The following PHF14 variants were observed in gnomAD, a reference collection of about 807,000 sequenced individuals.
PHF14 encodes PHD finger protein 14.
Under a neutral mutation model 117.9 loss-of-function variants are expected in PHF14, and 55 were observed. The ratio of observed to expected loss-of-function variants is 0.47; its 90% CI spans 0.38 to 0.58. The LOEUF (loss-of-function observed/expected upper bound fraction) is 0.58. Among genes scored for constraint, PHF14 ranks in the 20% least tolerant of loss-of-function variants. The pLI is 0.00. For missense variants in PHF14, 978 were observed against 1,122.2 expected (o/e 0.87, Z 1.84); for synonymous variants, 409 against 368.6 (o/e 1.11, Z -1.26).
chr7:10,988,914 T>C (rs758455600), intron 3 of PHF14, among the ~76,000 whole-genome samples: 1 of 152,116 alleles, frequency 6.6e-6, no homozygotes, highest in Non-Finnish European at 1.5e-5. Context: ...GAAAGAAACT[T>C]AGGAATGTTT....
At chr7:11,155,003 A>T (rs1460797243) in intron 17 of PHF14, among the ~76,000 whole-genome samples, 1 of 152,152 alleles carries the variant, frequency 6.6e-6, no homozygotes, top group Non-Finnish European at 1.5e-5. Context: ...GAGGATCCTT[A>T]CTATCTATCT....
In PHF14 at chr7:11,051,847, A is replaced by G; in HGVS notation, c.2481+67A>G. On this transcript the variant is annotated intron_variant, in intron 14 of 17. Coordinates refer to ENST00000634607, the MANE Select transcript of PHF14 (RefSeq NM_001007157.2). ...AGGCCAAAATTTAAGAGAGTGAGAA[A>G]GACACAGGGCAAACATATACTCAGA... is the stretch of plus-strand genomic sequence containing the variant. 6 of 1,327,704 alleles carry G rather than the reference A, an allele frequency of 4.5e-6. No homozygotes were observed. In the South Asian group the frequency reaches 7.9e-5, roughly 17 times the overall value. 82.2% of individuals were successfully genotyped at this position (1,327,704 alleles called of 1,614,324 possible).
intron 16 of PHF14, among the ~76,000 whole-genome samples, chr7:11,075,588 T>TAA (rs1562453136): frequency 4.8e-5 from 5 of 103,818 alleles, no homozygotes; most frequent in East Asian, 3.3e-4. Flanking sequence ...TTTTTTTTTT[T>TAA]TTATTATTAT....
chr7:11,067,621 CATTTTATGTTGCTAAGA>C (rs1354585650), intron 16 of PHF14, among the ~76,000 whole-genome samples: 1 of 152,120 alleles, frequency 6.6e-6, no homozygotes, highest in Non-Finnish European at 1.5e-5. Flanking sequence ...TCTCTTAGTC[CATTTTATGTTGCTAAGA>C]AGAAATACCT....
intron 16 of PHF14, among the ~76,000 whole-genome samples, chr7:11,073,576 G>A (rs555017397): frequency 6.6e-6 from 1 of 152,284 alleles, no homozygotes; most frequent in South Asian, 2.1e-4. Context: ...CAGGCTCAGG[G>A]TGCAAGCTGC....
chr7:11,064,149 T>TA (rs538812615), intron 16 of PHF14, among the ~76,000 whole-genome samples: 3 of 151,640 alleles, frequency 2.0e-5, no homozygotes, highest in African/African-American at 7.3e-5. Flanking sequence ...ATGTGATCTT[T>TA]AAAAAAAATA....
chr7:10,994,528 G>A (rs1029402032), intron 4 of PHF14, among the ~76,000 whole-genome samples: 22 of 152,192 alleles, frequency 1.4e-4, no homozygotes, highest in Non-Finnish European at 1.8e-4. Flanking sequence ...TGAGCAAGCT[G>A]GTTAGTGGTG....
chr7:10,974,802 A>G (rs1347978097), intron 1 of PHF14, 33 bp from the exon 2 acceptor site: 1 of 1,063,888 alleles, frequency 9.4e-7, no homozygotes, highest in South Asian at 1.4e-5. Flanking sequence ...TGGTGTGATT[A>G]TGAATGACAA....
chr7:11,137,928 C>T (rs1439752704), intron 17 of PHF14, among the ~76,000 whole-genome samples: 6 of 151,756 alleles, frequency 4.0e-5, no homozygotes, highest in Non-Finnish European at 7.4e-5. Context: ...AAAAAGGTAA[C>T]CTTTATACCT....
At position 11,038,753 on chromosome 7, in the gene PHF14, T is replaced by G; in HGVS notation, c.1981-7T>G. 1 of 1,444,734 alleles carries G rather than the reference T, an allele frequency of 6.9e-7. No individual in the cohort carries two copies. Among genetic ancestry groups the G allele is most frequent in the Non-Finnish European group, 9.6e-7 (1 of 1,043,642 alleles). 89.5% of individuals were successfully genotyped at this position (1,444,734 alleles called of 1,614,324 possible). On this transcript the variant is annotated splice_region_variant and splice_polypyrimidine_tract_variant and intron_variant, in intron 10 of 17. Transcript: ENST00000634607. ...AATGAAGTTTACTAATTTGGCTTAC[T>G]TTGTAGCTATGTGAATCTTTAGAAG...
chr7:11,038,930 C>A (rs764354909), intron 11 of PHF14, 75 bp downstream of exon 11: 2 of 616,588 alleles, frequency 3.2e-6, no homozygotes. Flanking sequence ...ATTTTTGATA[C>A]AACTGTCATT....
chr7:11,074,757 G>C (rs1192520847), intron 16 of PHF14, among the ~76,000 whole-genome samples: 1 of 151,960 alleles, frequency 6.6e-6, no homozygotes, highest in Non-Finnish European at 1.5e-5. Context: ...ATTTCCATCT[G>C]AGGCCTCATC....
intron 16 of PHF14, among the ~76,000 whole-genome samples, chr7:11,070,540 T>C (rs983724073): frequency 6.6e-6 from 1 of 152,226 alleles, no homozygotes; most frequent in African/African-American, 2.4e-5. Context: ...TATTTGGGCA[T>C]ATTTTCTTCT....
intron 16 of PHF14, among the ~76,000 whole-genome samples, chr7:11,082,200 G>C (rs569041620): frequency 6.6e-6 from 1 of 152,092 alleles, no homozygotes; most frequent in Admixed American, 6.5e-5. Flanking sequence ...TAAAAAATCA[G>C]CTGGGCATAG....
intron 16 of PHF14, among the ~76,000 whole-genome samples, chr7:11,075,564 G>GTTTTT (rs3073111): frequency 3.6e-4 from 40 of 110,010 alleles, no homozygotes; most frequent in Non-Finnish European, 4.8e-4. Context: ...AAGGAAAGAG[G>GTTTTT]TTTTTTTTTT....
At chr7:11,083,961 C>G (rs946780476) in intron 16 of PHF14, among the ~76,000 whole-genome samples, 1 of 152,138 alleles carries the variant, frequency 6.6e-6, no homozygotes, top group Non-Finnish European at 1.5e-5. Flanking sequence ...TAGGTAGATT[C>G]AAGCAAAGTT....
chr7:11,061,922 TTTTG>T (rs1428338097), intron 15 of PHF14, 38 bp from the exon 16 acceptor site: 2 of 1,542,370 alleles, frequency 1.3e-6, no homozygotes, highest in African/African-American at 1.4e-5. Context: ...CATATCCTTA[TTTTG>T]TTTGTTATGT....
At chr7:11,014,941 G>A (rs1783482895) in intron 5 of PHF14, 1 of 150,508 alleles carries the variant, frequency 6.6e-6, no homozygotes, top group Admixed American at 6.6e-5. Context: ...CTAAAATTAA[G>A]AGTAATTTTC....
Position 11,068,411 on chromosome 7 carries a change from T to C in PHF14, c.2654+6326T>C, listed in dbSNP as rs189466160. ...ACATAGATGAACCTTGAGAACGTTA[T>C]GCTAAGTAAAATAAACCAGTTACAG... On this transcript the variant is annotated intron_variant, in intron 16 of 17. Transcript: ENST00000634607. Among the ~76,000 whole-genome samples, 8 of 150,308 alleles carry C rather than the reference T, an allele frequency of 5.3e-5. No homozygotes were observed. The East Asian group carries it at 1.4e-3, about 26-fold the overall frequency.
Sources: gnomAD v4.1 joint callset for allele counts (sites outside exome capture counted in the v4.1 genomes callset) on GRCh38, gnomAD v4.1.1 for gene constraint, MANE v1.5 for transcripts, NCBI Gene and HGNC (gene_info 2026-07-23, HGNC 2026-07-21) for gene names.